The following TACR3 variants were observed in gnomAD, a reference collection of about 807,000 sequenced individuals.
TACR3 encodes tachykinin receptor 3.
A neutral mutation model predicts 35.0 loss-of-function variants in TACR3; 34 were observed. The ratio of observed to expected loss-of-function variants is 0.97; its 90% CI spans 0.74 to 1.30. TACR3 has a LOEUF of 1.30. TACR3 is among the 50% of genes most tolerant of loss of function. TACR3 has a pLI of 0.00. For missense variants in TACR3, 558 were observed against 591.7 expected (o/e 0.94, Z 0.59); for synonymous variants, 233 against 221.1 (o/e 1.05, Z -0.48).
chr4:103,591,321 G>T, intron 4 of TACR3, 166 bp downstream of exon 4: 1 of 733,772 alleles, frequency 1.4e-6, no homozygotes. Flanking sequence ...TTTATAAAGT[G>T]TGTATGGGGG....
chr4:103,707,805 A>C (rs909030439), intron 1 of TACR3, among the ~76,000 whole-genome samples: 1 of 152,160 alleles, frequency 6.6e-6, no homozygotes, highest in African/African-American at 2.4e-5. Flanking sequence ...TCCCACCCTA[A>C]TACTGCACTT....
intron 3 of TACR3, among the ~76,000 whole-genome samples, chr4:103,654,701 ATAAAAT>A (rs1166735616): frequency 1.2e-4 from 18 of 145,820 alleles, no homozygotes; most frequent in African/African-American, 4.4e-4. Flanking sequence ...TATAATAATA[ATAAAAT>A]TAAAAAAAAA....
chr4:103,603,923 C>T (rs1724275591), intron 3 of TACR3, among the ~76,000 whole-genome samples: 2 of 152,216 alleles, frequency 1.3e-5, no homozygotes, highest in South Asian at 2.1e-4. Flanking sequence ...ATTCCATGCT[C>T]ATGGATAGGA....
At chr4:103,712,108 T>G (rs1722978270) in intron 1 of TACR3, among the ~76,000 whole-genome samples, 1 of 152,170 alleles carries the variant, frequency 6.6e-6, no homozygotes, top group African/African-American at 2.4e-5. Flanking sequence ...CCCATCAAGC[T>G]ACCAATGACT....
At chr4:103,712,858 A>C (rs1463762409) in intron 1 of TACR3, among the ~76,000 whole-genome samples, 1 of 152,234 alleles carries the variant, frequency 6.6e-6, no homozygotes, top group Non-Finnish European at 1.5e-5. Flanking sequence ...TATGCAGCCA[A>C]AAGACACATG....
At chr4:103,649,246 C>T (rs1235641842) in intron 3 of TACR3, among the ~76,000 whole-genome samples, 2 of 152,056 alleles carry the variant, frequency 1.3e-5, no homozygotes, top group Admixed American at 1.3e-4. Context: ...TATCTCTTCA[C>T]TTTACTGATT....
In TACR3 at chr4:103,681,729, A is replaced by G. The variant is rs1197076215; in HGVS notation, c.549-23326T>C. On this transcript the variant is annotated intron_variant, in intron 1 of 4. Coordinates refer to ENST00000304883, the MANE Select transcript of TACR3 (RefSeq NM_001059.3). Reference sequence around the variant, plus strand: ...GTAGATAGAAAATCAGTGAGAACATAGAAAAACTAAATAACTCCACCAATG... The same window carrying G: ...GTAGATAGAAAATCAGTGAGAACATGGAAAAACTAAATAACTCCACCAATG... Among the ~76,000 whole-genome samples, 7 of 148,322 alleles carry G rather than the reference A, an allele frequency of 4.7e-5. No individual in the cohort carries two copies. In the Admixed American group the frequency reaches 4.8e-4, roughly 10 times the overall value.
At chr4:103,637,458 T>C (rs1725219008) in intron 3 of TACR3, among the ~76,000 whole-genome samples, 1 of 152,122 alleles carries the variant, frequency 6.6e-6, no homozygotes, top group South Asian at 2.1e-4. Context: ...AAGAGCTATC[T>C]ATGACAAACC....
chr4:103,664,846 C>T lies in TACR3; in HGVS notation c.549-6443G>A, dbSNP rs78335518. On this transcript the variant is annotated intron_variant, in intron 1 of 4. Transcript: ENST00000304883. ...TTGTTTGGTTGATGGGCCTCTTGCT[C>T]TGTTGCCAAGGCTGGAGTGCAGAGG... is the stretch of plus-strand genomic sequence containing the variant. 4.7e-3 allele frequency among the ~76,000 whole-genome samples: 720 copies of T among 152,164 alleles called. 7 individuals carry two copies. Among genetic ancestry groups the T allele is most frequent in the African/African-American group, 0.016 (678 of 41,518 alleles).
chr4:103,630,171 C>A (rs1005100856), intron 3 of TACR3, among the ~76,000 whole-genome samples: 8 of 152,158 alleles, frequency 5.3e-5, no homozygotes, highest in African/African-American at 1.9e-4. Context: ...TTCCTTACAC[C>A]TTATACAAAA....
At chr4:103,690,913 G>A (rs1265557310) in intron 1 of TACR3, among the ~76,000 whole-genome samples, 2 of 152,064 alleles carry the variant, frequency 1.3e-5, no homozygotes, top group Non-Finnish European at 2.9e-5. Flanking sequence ...AAAAAATTAT[G>A]TCACACGCAA....
intron 1 of TACR3, among the ~76,000 whole-genome samples, chr4:103,710,221 G>A (rs1384097711): frequency 3.9e-5 from 6 of 152,094 alleles, no homozygotes; most frequent in Admixed American, 2.0e-4. Flanking sequence ...TCAGCACCAC[G>A]TTGCACTTAT....
chr4:103,627,341 T>G (rs895078198), intron 3 of TACR3, among the ~76,000 whole-genome samples: 1 of 128,122 alleles, frequency 7.8e-6, no homozygotes, highest in Non-Finnish European at 1.6e-5. Context: ...ATGGTGAAAC[T>G]GTGTTTCCAT....
chr4:103,719,320 A>G lies in TACR3; in HGVS notation c.356T>C (p.Val119Ala). 6.2e-7 allele frequency: 1 copy of G among 1,614,240 alleles called. No homozygotes were observed. Among genetic ancestry groups the G allele is most frequent in the Non-Finnish European group, 8.5e-7 (1 of 1,180,044 alleles). The change falls in exon 1 of 5, where the codon GTC (valine) becomes GCC (alanine). Residue 119 changes from valine to alanine, a missense_variant. By Grantham distance (64) the Val-to-Ala change is moderately conservative (BLOSUM62 0). Coordinates refer to ENST00000304883, the MANE Select transcript of TACR3 (RefSeq NM_001059.3). ...IILAHKRMRT[V>A]TNYFLVNLAF... ...CAGGTTCACAAGGAAGTAGTTGGTG[A>G]CAGTCCTCATGCGCTTGTGGGCCAG...
intron 1 of TACR3, among the ~76,000 whole-genome samples, chr4:103,674,233 T>C (rs1726117970): frequency 6.6e-6 from 1 of 151,972 alleles, no homozygotes; most frequent in African/African-American, 2.4e-5. Context: ...AAACTCAGAT[T>C]ACACAGTTTC....
chr4:103,704,920 G>C (rs1722750471), intron 1 of TACR3, among the ~76,000 whole-genome samples: 1 of 152,064 alleles, frequency 6.6e-6, no homozygotes, highest in Admixed American at 6.5e-5. Context: ...ATACACAAGG[G>C]CATGGAGACT....
chr4:103,630,981 A>C (rs947605028), intron 3 of TACR3, among the ~76,000 whole-genome samples: 1 of 152,190 alleles, frequency 6.6e-6, no homozygotes, highest in Admixed American at 6.5e-5. Context: ...ACATATACAC[A>C]TGGAATACAA....
At chr4:103,693,222 A>T (rs1390055843) in intron 1 of TACR3, among the ~76,000 whole-genome samples, 3 of 152,158 alleles carry the variant, frequency 2.0e-5, no homozygotes, top group African/African-American at 7.2e-5. Context: ...CAATATCCTG[A>T]AAACATTATT....
chr4:103,614,750 A>T (rs1193407500), intron 3 of TACR3, among the ~76,000 whole-genome samples: 6 of 152,116 alleles, frequency 3.9e-5, no homozygotes, highest in Non-Finnish European at 7.4e-5. Flanking sequence ...CAAACTCAAC[A>T]TACTCTGGGC....
Sources: gnomAD v4.1 joint callset for allele counts (sites outside exome capture counted in the v4.1 genomes callset) on GRCh38, gnomAD v4.1.1 for gene constraint, MANE v1.5 for transcripts, NCBI Gene and HGNC (gene_info 2026-07-23, HGNC 2026-07-21) for gene names.